INPP5A: variants seen among roughly 807,000 people sequenced by gnomAD.
INPP5A encodes the protein inositol polyphosphate-5-phosphatase A.
A neutral mutation model predicts 65.2 loss-of-function variants in INPP5A; 14 were observed. That is an observed-to-expected ratio of 0.21 (90% CI 0.14 to 0.34). The LOEUF is 0.34. Ranked by LOEUF, INPP5A falls within the 10% of genes least tolerant of loss-of-function variation. The pLI is 1.00. For synonymous variants in INPP5A, 207 were observed against 208.3 expected (o/e 0.99, Z 0.05); for missense variants, 431 against 545.6 (o/e 0.79, Z 2.09).
intron 9 of INPP5A, among the ~76,000 whole-genome samples, chr10:132,744,115 A>T (rs943625154): frequency 6.6e-6 from 1 of 152,246 alleles, no homozygotes; most frequent in Non-Finnish European, 1.5e-5. Flanking sequence ...CCAGGGAAAC[A>T]GGTGCACCCA....
chr10:132,567,499 CTA>C (rs779872221), intron 1 of INPP5A, among the ~76,000 whole-genome samples: 2 of 152,222 alleles, frequency 1.3e-5, no homozygotes, highest in African/African-American at 2.4e-5. Context: ...GGTTTGGTTC[CTA>C]TGTTTCCCCT....
chr10:132,748,019 T>C (rs146881531), intron 9 of INPP5A, among the ~76,000 whole-genome samples: 8 of 152,318 alleles, frequency 5.3e-5, no homozygotes, highest in African/African-American at 1.9e-4. Context: ...CACTGCGCTC[T>C]GGCCTGGATG....
intron 11 of INPP5A, among the ~76,000 whole-genome samples, chr10:132,763,534 T>C (rs1320739731): frequency 6.6e-6 from 1 of 152,082 alleles, no homozygotes; most frequent in Non-Finnish European, 1.5e-5. Flanking sequence ...CGTGCCTGCA[T>C]GCACACACAC....
intron 1 of INPP5A, among the ~76,000 whole-genome samples, chr10:132,594,643 G>A (rs537488318): frequency 1.3e-5 from 2 of 152,108 alleles, no homozygotes; most frequent in South Asian, 4.1e-4. Flanking sequence ...GGTGTGTGGT[G>A]CATGCATGTG....
At position 132,650,555 on chromosome 10, in the gene INPP5A, C is replaced by G. The variant is rs1387095818; in HGVS notation, c.306+50C>G. On this transcript the variant is annotated intron_variant, in intron 4 of 15. Coordinates refer to ENST00000368594, the MANE Select transcript of INPP5A (RefSeq NM_005539.5). This position sits in a 1 kb window ranked among gnomAD's most constrained non-coding sequence, Gnocchi z 5.5. ...CAGGGGTCAGACAGGCTGGCCTTGGCAGAAGCCAGCCCTTCTCCTGTGTAA... is the reference window on the plus strand; with the variant it reads ...CAGGGGTCAGACAGGCTGGCCTTGGGAGAAGCCAGCCCTTCTCCTGTGTAA... 3.8e-6 allele frequency: 5 copies of G among 1,317,312 alleles called. No homozygotes were observed. The highest frequency in any genetic ancestry group is 5.5e-6 in the Non-Finnish European group (5 of 914,806). The allele number at this position is 1,317,312 out of a possible 1,614,324, so 81.6% of individuals were successfully genotyped here. A position where few individuals can be genotyped will look rare whatever the true frequency, so the allele number is the denominator to read the frequency against.
chr10:132,740,285 A>G (rs531265550), intron 9 of INPP5A, among the ~76,000 whole-genome samples: 56 of 152,274 alleles, frequency 3.7e-4, no homozygotes, highest in African/African-American at 1.3e-3. Context: ...TAGGCTCCAT[A>G]GTTTTCTGAA....
At chr10:132,737,098 C>T (rs542122674) in intron 9 of INPP5A, among the ~76,000 whole-genome samples, 31 of 152,342 alleles carry the variant, frequency 2.0e-4, no homozygotes, top group African/African-American at 6.0e-4. Context: ...GAGAGCATGG[C>T]GGCTGACTCC....
In INPP5A at chr10:132,686,170, G is replaced by A. The variant is rs557762223; in HGVS notation, c.307-4222G>A. Among the ~76,000 whole-genome samples the A allele has an allele frequency of 4.6e-5, 7 of 152,200 alleles. 1 individual carries two copies. Among genetic ancestry groups the A allele is most frequent in the South Asian group, 4.1e-4 (2 of 4,830 alleles). ...GGGGTCTGGATCTCCTGTGTGGCCC[G>A]CACCGGATCGACTTTTCGGTGCCCC... On this transcript the variant is annotated intron_variant, in intron 4 of 15. Transcript: ENST00000368594.
At chr10:132,718,716 CGGGTTCTGTGGTACCT>C (rs915544014) in intron 8 of INPP5A, among the ~76,000 whole-genome samples, 1 of 144,478 alleles carries the variant, frequency 6.9e-6, no homozygotes, top group African/African-American at 2.6e-5. Context: ...GGTTGTCTGG[CGGGTTCTGTGGTACCT>C]GGGTTCTGTC....
At chr10:132,594,207 G>T (rs1253146307) in intron 1 of INPP5A, among the ~76,000 whole-genome samples, 2 of 152,168 alleles carry the variant, frequency 1.3e-5, no homozygotes, top group Non-Finnish European at 2.9e-5. Context: ...CTTGTGCTGT[G>T]ATCTAGAGCT....
At chr10:132,598,239 C>T (rs992574657) in intron 1 of INPP5A, among the ~76,000 whole-genome samples, 1 of 152,152 alleles carries the variant, frequency 6.6e-6, no homozygotes, top group African/African-American at 2.4e-5. Flanking sequence ...CTTTTTAATG[C>T]GGTAAAATGG....
intron 5 of INPP5A, among the ~76,000 whole-genome samples, chr10:132,692,817 A>G (rs1845289431): frequency 6.6e-6 from 1 of 152,260 alleles, no homozygotes; most frequent in African/African-American, 2.4e-5. Context: ...ACGGAAGGAA[A>G]TATCATATAG....
intron 11 of INPP5A, among the ~76,000 whole-genome samples, chr10:132,759,465 G>A (rs531622756): frequency 3.9e-5 from 6 of 152,352 alleles, no homozygotes; most frequent in South Asian, 4.1e-4. Flanking sequence ...CTCAGCCTGG[G>A]ATTTCCGGCT....
chr10:132,631,549 TC>T (rs2133374236), intron 2 of INPP5A, among the ~76,000 whole-genome samples: 1 of 152,374 alleles, frequency 6.6e-6, no homozygotes, highest in Admixed American at 6.5e-5. Flanking sequence ...AGGATGTAAT[TC>T]CTTTTTAGGT....
At chr10:132,593,413 C>A (rs957011780) in intron 1 of INPP5A, among the ~76,000 whole-genome samples, 2 of 152,184 alleles carry the variant, frequency 1.3e-5, no homozygotes, top group Non-Finnish European at 2.9e-5. Flanking sequence ...AAAAAATTAA[C>A]CTTCATTTAT....
At chr10:132,735,413 C>G (rs184994609) in intron 9 of INPP5A, among the ~76,000 whole-genome samples, 17 of 152,376 alleles carry the variant, frequency 1.1e-4, no homozygotes, top group African/African-American at 4.1e-4. Flanking sequence ...GAGCGTCTTG[C>G]CTGATGGAGT....
chr10:132,669,448 C>T (rs115183506), intron 4 of INPP5A, among the ~76,000 whole-genome samples: 125 of 152,308 alleles, frequency 8.2e-4, no homozygotes, highest in African/African-American at 2.6e-3. Flanking sequence ...CACGTCCTCA[C>T]GGGACCACAG....
At chr10:132,631,450 C>T (rs1267549032) in intron 2 of INPP5A, among the ~76,000 whole-genome samples, 4 of 152,236 alleles carry the variant, frequency 2.6e-5, no homozygotes, top group Admixed American at 2.6e-4. Context: ...GCGTCGTTGG[C>T]AAGTAACTGT....
Position 132,546,759 on chromosome 10 carries a change from C to G in INPP5A, c.75+8588C>G, listed in dbSNP as rs1019713417. ...CGGGCCCCCTGGGCTCTGGCCTGTC[C>G]CCTTGTCCCCACCTGACCGCCCAGC... is the stretch of plus-strand genomic sequence containing the variant. On this transcript the variant is annotated intron_variant, in intron 1 of 15. Transcript: ENST00000368594. This position sits in a 1 kb window ranked among gnomAD's most constrained non-coding sequence, Gnocchi z 5.7. 1.3e-5 allele frequency among the ~76,000 whole-genome samples: 2 copies of G among 152,202 alleles called. No individual in the cohort carries two copies. Among genetic ancestry groups the G allele is most frequent in the Non-Finnish European group, 2.9e-5 (2 of 68,036 alleles).
Sources: allele counts gnomAD v4.1 joint callset (sites outside exome capture counted in the v4.1 genomes callset), GRCh38; gene constraint gnomAD v4.1.1; non-coding constraint Gnocchi (gnomAD v3.1); transcripts MANE v1.5; gene names NCBI Gene and HGNC (gene_info 2026-07-23, HGNC 2026-07-21).